Variants in KLHL29 observed in about 807,000 individuals in gnomAD.
KLHL29 encodes the protein kelch-like protein 29.
In KLHL29, 21 loss-of-function variants were observed where a neutral mutation model predicts 80.4. That is an observed-to-expected ratio of 0.26 (90% CI 0.19 to 0.38). KLHL29 has a LOEUF of 0.38. KLHL29 is among the 10% of genes least tolerant of loss of function. KLHL29 has a pLI of 1.00. For synonymous variants in KLHL29, 511 were observed against 526.8 expected (o/e 0.97, Z 0.41); for missense variants, 867 against 1,223.9 (o/e 0.71, Z 4.35).
At chr2:23,531,093 G>A (rs957918554) in intron 2 of KLHL29, among the ~76,000 whole-genome samples, 4 of 152,236 alleles carry the variant, frequency 2.6e-5, no homozygotes, top group Non-Finnish European at 5.9e-5. Context: ...CAGTGAGGTA[G>A]AGGGGGTAAG....
intron 2 of KLHL29, among the ~76,000 whole-genome samples, chr2:23,488,629 G>A (rs1665000892): frequency 6.6e-6 from 1 of 152,220 alleles, no homozygotes; most frequent in African/African-American, 2.4e-5. Context: ...TTGAGTTCCA[G>A]GAAGAATTGC....
intron 1 of KLHL29, among the ~76,000 whole-genome samples, chr2:23,469,370 G>A (rs1218429370): frequency 6.6e-6 from 1 of 152,228 alleles, no homozygotes; most frequent in Non-Finnish European, 1.5e-5. Context: ...GCCCGTCAGG[G>A]AATCAGGGAT....
intron 2 of KLHL29, among the ~76,000 whole-genome samples, chr2:23,543,703 G>C (rs1167846909): frequency 6.6e-6 from 1 of 152,216 alleles, no homozygotes; most frequent in Non-Finnish European, 1.5e-5. Flanking sequence ...AAGCTATTTG[G>C]TATTTCCACT....
intron 2 of KLHL29, chr2:23,532,509 T>C (rs1666524023): frequency 2.2e-6 from 1 of 452,972 alleles, no homozygotes. Context: ...CTTTGTGGGA[T>C]GTGCATCGCC....
rs1391842806 is a variant in KLHL29, at chr2:23,647,266, T to C, written c.940+4416T>C. Among the ~76,000 whole-genome samples the C allele has an allele frequency of 6.6e-6, 1 of 152,192 alleles. No homozygotes were observed. The highest frequency in any genetic ancestry group is 1.9e-4 in the East Asian group (1 of 5,188). On this transcript the variant is annotated intron_variant, in intron 5 of 13. Transcript: ENST00000486442. This position sits in a 1 kb window ranked among gnomAD's most constrained non-coding sequence, Gnocchi z 4.9. ...TGACATGTCCAGGGCACATTGTTCC[T>C]TCCACAGCCTCCATAAATATTCTGG... is the stretch of plus-strand genomic sequence containing the variant.
chr2:23,427,271 G>A (rs1663029721), intron 1 of KLHL29, among the ~76,000 whole-genome samples: 1 of 152,174 alleles, frequency 6.6e-6, no homozygotes, highest in African/African-American at 2.4e-5. Context: ...CACCAAAATG[G>A]AGGTGAACTT....
chr2:23,671,177 A>G (rs946569762), intron 5 of KLHL29, among the ~76,000 whole-genome samples: 5 of 151,568 alleles, frequency 3.3e-5, no homozygotes, highest in African/African-American at 1.2e-4. Context: ...CTGGTTCACT[A>G]ATTCTTGCAA....
rs145466342 is a variant in KLHL29 at position 23,453,291 on chromosome 2, G to A, written c.-153-22269G>A. Among the ~76,000 whole-genome samples, 591 of 152,304 alleles carry A rather than the reference G, an allele frequency of 3.9e-3. 4 individuals carry two copies. The highest frequency in any genetic ancestry group is 0.014 in the African/African-American group (569 of 41,558). ...GCTCAGTCACCACGTCACAGGAGCT[G>A]TGTCTTCTTCTGCCCGGGAACTACC... On this transcript the variant is annotated intron_variant, in intron 1 of 13. Coordinates refer to ENST00000486442, the MANE Select transcript of KLHL29 (RefSeq NM_052920.2).
intron 1 of KLHL29, among the ~76,000 whole-genome samples, chr2:23,419,795 T>C (rs1420389705): frequency 6.6e-6 from 1 of 152,040 alleles, no homozygotes; most frequent in African/African-American, 2.4e-5. Flanking sequence ...CAGCCTGGCC[T>C]TTTCCCCACT....
At chr2:23,585,634 G>GC (rs1558398098) in intron 3 of KLHL29, among the ~76,000 whole-genome samples, 1 of 152,080 alleles carries the variant, frequency 6.6e-6, no homozygotes, top group South Asian at 2.1e-4. Context: ...CTCCCTTTCT[G>GC]CCCCCCAGGC....
rs375285871 is a variant in KLHL29 at position 23,585,035 on chromosome 2, C to T, written c.285+22554C>T. 3.3e-5 allele frequency among the ~76,000 whole-genome samples: 5 copies of T among 152,226 alleles called. No homozygotes were observed. The East Asian group carries it at 7.7e-4, about 23-fold the overall frequency. On this transcript the variant is annotated intron_variant, in intron 3 of 13. Transcript: ENST00000486442. ...ACAGGCATGAACCACCACCGCCAGC[C>T]TACTCAGTCTTTAAAATAAGGAGAT...
In KLHL29 at chr2:23,562,290, A is replaced by T. The variant is rs1343582128; in HGVS notation, c.94A>T (p.Ile32Phe). The T allele has an allele frequency of 3.9e-6, 6 of 1,547,640 alleles. No individual in the cohort carries two copies. In the East Asian group the frequency reaches 1.5e-4, roughly 38 times the overall value. ...CAACGGGACGCATGGGACCACCAGC[A>T]TCTGCAGTGTCACCTCGGGGGCCGG... ...SVNGTHGTTS[I>F]CSVTSGAGGG... Residue 32 changes from isoleucine to phenylalanine, a missense_variant, in exon 3 of 14, where the codon ATC becomes TTC. Around this residue, in one of 2 missense-constraint regions of KLHL29, gnomAD observed 424 missense variants for 456.9 expected, o/e 0.93. Coordinates refer to ENST00000486442, the MANE Select transcript of KLHL29 (RefSeq NM_052920.2). This position sits in a 1 kb window ranked among gnomAD's most constrained non-coding sequence, Gnocchi z 4.5.
At chr2:23,434,235 G>A (rs964004861) in intron 1 of KLHL29, among the ~76,000 whole-genome samples, 1 of 150,366 alleles carries the variant, frequency 6.7e-6, no homozygotes, top group Admixed American at 6.6e-5. Context: ...GCAGGAGAAT[G>A]GTGTGAACCC....
chr2:23,471,890 T>C (rs1193828172), intron 1 of KLHL29, among the ~76,000 whole-genome samples: 1 of 152,212 alleles, frequency 6.6e-6, no homozygotes, highest in Admixed American at 6.5e-5. Context: ...CAGTGTTAAC[T>C]TGGGAACAAA....
At chr2:23,511,042 A>G (rs1321268312) in intron 2 of KLHL29, among the ~76,000 whole-genome samples, 1 of 152,220 alleles carries the variant, frequency 6.6e-6, no homozygotes, top group Non-Finnish European at 1.5e-5. Flanking sequence ...CTTACAGAAC[A>G]GAAATGTATT....
chr2:23,565,152 A>G (rs372380195), intron 3 of KLHL29, among the ~76,000 whole-genome samples: 27 of 152,218 alleles, frequency 1.8e-4, no homozygotes, highest in African/African-American at 6.3e-4. Flanking sequence ...ACCTCCTCCT[A>G]TCACCGCTGT....
At chr2:23,683,616 C>T (rs1034331519) in intron 5 of KLHL29, among the ~76,000 whole-genome samples, 2 of 152,170 alleles carry the variant, frequency 1.3e-5, no homozygotes, top group African/African-American at 2.4e-5. Context: ...TCCAAGACAC[C>T]GGGCACAGGT....
intron 3 of KLHL29, among the ~76,000 whole-genome samples, chr2:23,578,025 A>G (rs377567439): frequency 6.6e-6 from 1 of 152,318 alleles, no homozygotes; most frequent in East Asian, 1.9e-4. Context: ...GCCACTGAGC[A>G]TCAGTAAATT....
At chr2:23,617,843 T>C (rs912547200) in intron 3 of KLHL29, 20 of 152,158 alleles carry the variant, frequency 1.3e-4, no homozygotes, top group African/African-American at 4.8e-4. Flanking sequence ...CAGTGGAACA[T>C]TTTTGCTGTT....
Sources: allele counts gnomAD v4.1 joint callset (sites outside exome capture counted in the v4.1 genomes callset), GRCh38; gene constraint gnomAD v4.1.1; regional missense constraint gnomAD v4.1.1; non-coding constraint Gnocchi (gnomAD v3.1); transcripts MANE v1.5; gene names NCBI Gene and HGNC (gene_info 2026-07-23, HGNC 2026-07-21).